The following TENM3 variants were observed in gnomAD, a reference collection of about 807,000 sequenced individuals.
TENM3 encodes teneurin-3.
TENM3 carries 63 observed loss-of-function variants against 255.1 expected under a neutral mutation model. The observed-to-expected ratio is 0.25, with a 90% CI of 0.20 to 0.30. The LOEUF (loss-of-function observed/expected upper bound fraction) is 0.30. Among genes scored for constraint, TENM3 ranks in the 10% least tolerant of loss-of-function variants. TENM3 has a pLI of 1.00. For missense variants in TENM3, 2,929 were observed against 3,461.1 expected, an observed-to-expected ratio of 0.85 and a Z score of 3.86; for synonymous variants, 1,306 against 1,322.3, an observed-to-expected ratio of 0.99 and a Z score of 0.27.
the TENM3 span, among the ~76,000 whole-genome samples, chr4:182,048,656 A>G: frequency 6.6e-6 from 1 of 152,148 alleles, no homozygotes. Context: ...TTTTCTTTTT[A>G]CATATGTACC....
chr4:182,088,897 G>GTC, the TENM3 span, among the ~76,000 whole-genome samples: 1 of 152,044 alleles, frequency 6.6e-6, no homozygotes, highest in Non-Finnish European at 1.5e-5. Flanking sequence ...GAATGTTTAT[G>GTC]TCTCTCCAAA....
At position 182,753,611 on chromosome 4, in the gene TENM3, A is replaced by T; in HGVS notation, c.4017+7A>T. The T allele has an allele frequency of 6.2e-7, 1 of 1,613,224 alleles. No individual in the cohort carries two copies. Among genetic ancestry groups the T allele is most frequent in the South Asian group, 1.1e-5 (1 of 90,842 alleles). ...CAGCATGCACATCAGCCAGGTAGTT[A>T]AATACTAAGCGGACTTGTTTGTTTT... On this transcript the variant is annotated splice_region_variant and intron_variant, in intron 21 of 27. Transcript: ENST00000511685.
At chr4:182,037,864 C>G in the TENM3 span, among the ~76,000 whole-genome samples, 5 of 152,016 alleles carry the variant, frequency 3.3e-5, no homozygotes, top group African/African-American at 1.2e-4. Flanking sequence ...CAGGGTCCCT[C>G]TTTGTCACCC....
the TENM3 span, among the ~76,000 whole-genome samples, chr4:181,611,272 AG>A: frequency 6.6e-6 from 1 of 152,218 alleles, no homozygotes; most frequent in African/African-American, 2.4e-5. Context: ...TGCTAACTGA[AG>A]CACAAAAGAT....
chr4:181,724,829 G>C, the TENM3 span, among the ~76,000 whole-genome samples: 1 of 152,092 alleles, frequency 6.6e-6, no homozygotes, highest in Non-Finnish European at 1.5e-5. Flanking sequence ...GATATTTTTG[G>C]TGTTTCTTTC....
chr4:181,943,187 A>T, the TENM3 span, among the ~76,000 whole-genome samples: 1 of 152,150 alleles, frequency 6.6e-6, no homozygotes, highest in Non-Finnish European at 1.5e-5. Context: ...GGTAGATTGT[A>T]ACAACCTGTG....
chr4:182,068,516 A>C, the TENM3 span, among the ~76,000 whole-genome samples: 10 of 152,158 alleles, frequency 6.6e-5, no homozygotes, highest in African/African-American at 2.4e-4. Context: ...AAAGGTTTTC[A>C]TTATAGCAAT....
the TENM3 span, among the ~76,000 whole-genome samples, chr4:181,710,697 G>A: frequency 6.6e-6 from 1 of 152,138 alleles, no homozygotes; most frequent in East Asian, 2.0e-4. Flanking sequence ...ACCTCAGCCT[G>A]GCAACAGAGT....
At chr4:182,662,352 A>G (rs956873987) in intron 6 of TENM3, among the ~76,000 whole-genome samples, 3 of 152,210 alleles carry the variant, frequency 2.0e-5, no homozygotes, top group East Asian at 3.9e-4. Context: ...CAGGCACAAC[A>G]GGACACGTTG....
the TENM3 span, among the ~76,000 whole-genome samples, chr4:181,695,835 C>A: frequency 2.0e-3 from 297 of 152,140 alleles, 2 homozygotes; most frequent in African/African-American, 6.9e-3. Flanking sequence ...TTGGTCACAG[C>A]CAAAGGAAAA....
intron 1 of TENM3, among the ~76,000 whole-genome samples, chr4:182,173,519 T>C (rs1035833809): frequency 6.6e-6 from 1 of 151,616 alleles, no homozygotes; most frequent in Non-Finnish European, 1.5e-5. Flanking sequence ...GGAATGGGAG[T>C]GGAAGCCATG....
At chr4:181,570,702 G>A in the TENM3 span, among the ~76,000 whole-genome samples, 929 of 152,040 alleles carry the variant, frequency 6.1e-3, 9 homozygotes, top group African/African-American at 0.021. Context: ...GGTAGGCAGC[G>A]GAGTAGGTAA....
At chr4:181,902,873 GT>G in the TENM3 span, among the ~76,000 whole-genome samples, 1 of 152,132 alleles carries the variant, frequency 6.6e-6, no homozygotes, top group Non-Finnish European at 1.5e-5. Flanking sequence ...AGAACAGGAA[GT>G]TTTTTTCACA....
rs1314329911 is a variant in TENM3 at position 182,738,400 on chromosome 4, G to C, written c.3236-1G>C. The C allele has an allele frequency of 6.3e-7, 1 of 1,599,466 alleles. No homozygotes were observed. Among genetic ancestry groups the C allele is most frequent in the Non-Finnish European group, 8.5e-7 (1 of 1,173,500 alleles). On this transcript the variant is annotated splice_acceptor_variant, in intron 17 of 27. Transcript: ENST00000511685. LOFTEE classifies it high-confidence loss of function. Reference sequence around the variant, plus strand: ...TGAGCTGTGATTTGTTTGGATTCCAGTGTCAGTTGGATATGAGTATGAGTC... The same window carrying C: ...TGAGCTGTGATTTGTTTGGATTCCACTGTCAGTTGGATATGAGTATGAGTC...
chr4:181,481,081 A>T, the TENM3 span, among the ~76,000 whole-genome samples: 1 of 151,926 alleles, frequency 6.6e-6, no homozygotes, highest in Non-Finnish European at 1.5e-5. Flanking sequence ...ATGAAAGTAT[A>T]CCTACTTGAG....
the TENM3 span, among the ~76,000 whole-genome samples, chr4:182,051,779 T>C: frequency 2.0e-5 from 3 of 152,202 alleles, no homozygotes; most frequent in African/African-American, 7.2e-5. Flanking sequence ...AAGGTTGCCC[T>C]GTATAACACA....
the TENM3 span, among the ~76,000 whole-genome samples, chr4:181,728,238 C>T: frequency 1.1e-4 from 16 of 152,162 alleles, no homozygotes; most frequent in East Asian, 2.5e-3. Flanking sequence ...GTAGCAGTTA[C>T]GGGAAAGGGG....
At chr4:182,115,492 C>T in the TENM3 span, among the ~76,000 whole-genome samples, 1 of 152,152 alleles carries the variant, frequency 6.6e-6, no homozygotes, top group African/African-American at 2.4e-5. Context: ...TAGCTAAGTG[C>T]TGTAGAGTTG....
At chr4:182,173,575 T>C (rs980834559) in intron 1 of TENM3, among the ~76,000 whole-genome samples, 1 of 152,132 alleles carries the variant, frequency 6.6e-6, no homozygotes, top group African/African-American at 2.4e-5. Context: ...ACGGATATAA[T>C]CCTATGTGGC....
Sources: allele counts gnomAD v4.1 joint callset (sites outside exome capture counted in the v4.1 genomes callset), GRCh38; gene constraint gnomAD v4.1.1; transcripts MANE v1.5; gene names NCBI Gene and HGNC (gene_info 2026-07-23, HGNC 2026-07-21).